TTC5: variants seen among roughly 807,000 people sequenced by gnomAD.
TTC5 encodes tetratricopeptide repeat protein 5.
TTC5 carries 46 observed loss-of-function variants against 57.4 expected under a neutral mutation model. The observed-to-expected ratio is 0.80, with a 90% CI of 0.63 to 1.03. TTC5 has a LOEUF of 1.03. TTC5 is among the 50% of genes least tolerant of loss of function. The probability of loss-of-function intolerance (pLI) is 0.00; values close to 1 mark genes in which losing one functional copy is unlikely to be tolerated. For missense variants in TTC5, 504 were observed against 528.1 expected, an observed-to-expected ratio of 0.95 and a Z score of 0.45; for synonymous variants, 190 against 203.5, an observed-to-expected ratio of 0.93 and a Z score of 0.57.
rs200301838 is a variant in TTC5 at position 20,291,846 on chromosome 14, CATATACACACAAAT to C, written c.1203+123_1203+136del. On this transcript the variant is annotated intron_variant, in intron 9 of 9. Transcript: ENST00000258821. ...AATACATATATATATATAAATAAAACATATACACACAAATATATATACACATAGCCTACACACAT... is the reference window on the plus strand; with the variant it reads ...AATACATATATATATATAAATAAAACATATATACACATAGCCTACACACAT... The C allele has an allele frequency of 4.1e-3, 2,656 of 653,014 alleles. 61 individuals carry two copies. The African/African-American group carries it at 0.047, about 11-fold the overall frequency. The allele number at this position is 653,014 out of a possible 1,614,324, so 40.5% of individuals were successfully genotyped here.
At position 20,290,740 on chromosome 14, in the gene TTC5, C is replaced by G. The variant is rs1881936115; in HGVS notation, c.1204-994G>C. 2.6e-5 allele frequency among the ~76,000 whole-genome samples: 4 copies of G among 152,176 alleles called. No homozygotes were observed. In the South Asian group the frequency reaches 8.3e-4, roughly 32 times the overall value. The stretch of plus-strand genomic sequence containing the variant: ...AGATACAAGCAAAGATACAAAAATC[C>G]TCACTGTGTTTCTAATTTTTTTTCT... On this transcript the variant is annotated intron_variant, in intron 9 of 9. Transcript: ENST00000258821.
intron 2 of TTC5, among the ~76,000 whole-genome samples, chr14:20,301,147 G>A (rs1882181996): frequency 6.6e-6 from 1 of 152,190 alleles, no homozygotes; most frequent in Admixed American, 6.5e-5. Context: ...ATGAAAAAGA[G>A]CATATGGCAT....
intron 3 of TTC5, 96 bp downstream of exon 3, chr14:20,300,511 G>T: frequency 9.2e-7 from 1 of 1,091,304 alleles, no homozygotes; most frequent in Non-Finnish European, 1.3e-6. Context: ...TTCAATTTCA[G>T]TTCTACTCTG....
intron 8 of TTC5, chr14:20,295,030 T>TA (rs1190343349): frequency 2.8e-6 from 1 of 352,122 alleles, no homozygotes; most frequent in Admixed American, 3.9e-5. Flanking sequence ...TTCTGTCTTA[T>TA]AAAAAAATAT....
chr14:20,296,402 C>G lies in TTC5; in HGVS notation c.684G>C (p.Leu228=), dbSNP rs771304790. The stretch of plus-strand genomic sequence containing the variant: ...CCAAAGGTCTTACCGTCGCCCTGTT[C>G]AGATGAAGGTCAGGATTGCTAGAAG... ...RKASSNPDLH[L]NRATLHKYEE... is the part of the protein sequence containing the mutation. The change falls in exon 6 of 10, where the codon CTG becomes CTC. Residue 228 remains leucine (L), a synonymous_variant. Transcript: ENST00000258821. 6.2e-7 allele frequency: 1 copy of G among 1,613,058 alleles called. No homozygotes were observed. Among genetic ancestry groups the G allele is most frequent in the Non-Finnish European group, 8.5e-7 (1 of 1,178,984 alleles).
Position 20,286,603 on chromosome 14 carries a change from C to T in TTC5, c.*3024G>A, listed in dbSNP as rs1881843590. On this transcript the variant is annotated 3_prime_UTR_variant, in exon 10 of 10. Coordinates refer to ENST00000258821, the MANE Select transcript of TTC5 (RefSeq NM_138376.3). ...CTGTAAGAAAAGGACAAAATAACTT[C>T]ATAAAGCAGTAGAGGGAAAATGTCC... The T allele has an allele frequency of 6.6e-6, 1 of 152,044 alleles. No individual in the cohort carries two copies. Among genetic ancestry groups the T allele is most frequent in the South Asian group, 2.1e-4 (1 of 4,808 alleles). 9.4% of individuals were successfully genotyped at this position (152,044 alleles called of 1,614,324 possible). A position where few individuals can be genotyped will look rare whatever the true frequency, so the allele number is the denominator to read the frequency against.
chr14:20,291,856 CAAAT>C, intron 9 of TTC5, 123 bp downstream of exon 9: 1 of 764,694 alleles, frequency 1.3e-6, no homozygotes, highest in Non-Finnish European at 1.7e-6. Context: ...CATATACACA[CAAAT>C]ATATATACAC....
intron 2 of TTC5, 62 bp from the exon 3 acceptor site, chr14:20,300,880 C>G: frequency 7.5e-7 from 1 of 1,331,652 alleles, no homozygotes; most frequent in African/African-American, 1.5e-5. Context: ...GGCACTTTCT[C>G]TCAAAAAATA....
At chr14:20,291,294 G>A (rs1881947593) in intron 9 of TTC5, among the ~76,000 whole-genome samples, 1 of 152,278 alleles carries the variant, frequency 6.6e-6, no homozygotes, top group African/African-American at 2.4e-5. Context: ...CTGGGCTCAA[G>A]TGATCCTCCC....
chr14:20,301,846 C>G lies in TTC5; in HGVS notation c.171G>C (p.Met57Ile). Residue 57 changes from methionine to isoleucine, a missense_variant, in exon 2 of 10, where the codon ATG becomes ATC. Met to Ile is a conservative substitution (Grantham distance 10). Coordinates refer to ENST00000258821, the MANE Select transcript of TTC5 (RefSeq NM_138376.3). ...QKEMEKTLQQ[M>I]EEVVGSVQGK... ...TAGGGCTCATACCCACTACTTCTTC[C>G]ATCTGCTGTAGGGTTTTCTCCATCT... 1 of 1,614,028 alleles carries G rather than the reference C, an allele frequency of 6.2e-7. No individual in the cohort carries two copies. Among genetic ancestry groups the G allele is most frequent in the Non-Finnish European group, 8.5e-7 (1 of 1,179,978 alleles).
intron 1 of TTC5, 23 bp downstream of exon 1, chr14:20,305,864 C>G: frequency 3.7e-6 from 6 of 1,612,868 alleles, no homozygotes; most frequent in Non-Finnish European, 5.1e-6. Flanking sequence ...AAAACACATA[C>G]AGAATTTAAT....
rs767938792 is a variant in TTC5 at position 20,288,077 on chromosome 14, A to G, written c.*1550T>C. ...CTAAGATTCTTAGTAATATTCATAT[A>G]TGATGTTGAAGCTATACCTGAGAAT... is the stretch of plus-strand genomic sequence containing the variant. On this transcript the variant is annotated 3_prime_UTR_variant, in exon 10 of 10. Transcript: ENST00000258821. The G allele has an allele frequency of 1.8e-4, 28 of 152,192 alleles. No individual in the cohort carries two copies. The highest frequency in any genetic ancestry group is 3.9e-4 in the Admixed American group (6 of 15,284). The allele number at this position is 152,192 out of a possible 1,614,324, so 9.4% of individuals were successfully genotyped here. A position where few individuals can be genotyped will look rare whatever the true frequency, so the allele number is the denominator to read the frequency against.
At chr14:20,289,990 T>G (rs957695700) in intron 9 of TTC5, among the ~76,000 whole-genome samples, 1 of 152,192 alleles carries the variant, frequency 6.6e-6, no homozygotes, top group Non-Finnish European at 1.5e-5. Flanking sequence ...ATGAGACAGC[T>G]CTTTGATCCA....
rs373876927 is a variant in TTC5, at chr14:20,300,811, G to C, written c.192C>G (p.Val64=). The change falls in exon 3 of 10, where the codon GTC becomes GTG. Residue 64 remains valine, a synonymous_variant. Transcript: ENST00000258821. ...GCATTAGAACTTGTGCCTTGCCCTG[G>C]ACAGAACCTAAGAGGAAGAAAAAAA... The part of the protein sequence containing the change: ...LQQMEEVVGS[V]QGKAQVLMLT... The C allele has an allele frequency of 3.8e-4, 604 of 1,608,746 alleles. No homozygotes were observed. Among genetic ancestry groups the C allele is most frequent in the Non-Finnish European group, 4.4e-4 (523 of 1,178,176 alleles).
chr14:20,305,791 G>A, intron 1 of TTC5, 96 bp downstream of exon 1: 2 of 1,235,254 alleles, frequency 1.6e-6, no homozygotes, highest in East Asian at 2.3e-5. Flanking sequence ...GCAGCTTCGC[G>A]TGTGTGCCGA....
At chr14:20,300,371 T>C (rs1292727876) in intron 3 of TTC5, 2 of 496,408 alleles carry the variant, frequency 4.0e-6, no homozygotes, top group Non-Finnish European at 7.1e-6. Flanking sequence ...GCTTAGCTGC[T>C]AGCTTTTCTT....
intron 6 of TTC5, among the ~76,000 whole-genome samples, chr14:20,296,089 AG>A (rs1882056563): frequency 6.6e-6 from 1 of 152,218 alleles, no homozygotes; most frequent in African/African-American, 2.4e-5. Flanking sequence ...ACTCTAAAAT[AG>A]TTAAGTTGTA....
At chr14:20,290,985 A>C (rs1594261672) in intron 9 of TTC5, among the ~76,000 whole-genome samples, 1 of 152,212 alleles carries the variant, frequency 6.6e-6, no homozygotes, top group East Asian at 1.9e-4. Flanking sequence ...AATTTCCTGT[A>C]ATTTTCACAT....
intron 8 of TTC5, 100 bp from the exon 9 acceptor site, chr14:20,292,227 G>C (rs375168185): frequency 1.3e-6 from 1 of 789,232 alleles, no homozygotes; most frequent in Non-Finnish European, 1.8e-6. Flanking sequence ...CAAAATACTG[G>C]ACTTAAAGTC....
Sources: gnomAD v4.1 joint callset for allele counts (sites outside exome capture counted in the v4.1 genomes callset) on GRCh38, gnomAD v4.1.1 for gene constraint, MANE v1.5 for transcripts, NCBI Gene and HGNC (gene_info 2026-07-23, HGNC 2026-07-21) for gene names.